The following DMRT1 variants were observed in gnomAD, a reference collection of about 807,000 sequenced individuals.
DMRT1 encodes the protein doublesex and mab-3 related transcription factor 1.
In DMRT1, 7 loss-of-function variants were observed where a neutral mutation model predicts 32.3. The ratio of observed to expected loss-of-function variants is 0.22; its 90% CI spans 0.12 to 0.41. The LOEUF (loss-of-function observed/expected upper bound fraction) is 0.41. Among genes scored for constraint, DMRT1 ranks in the 10% least tolerant of loss-of-function variants. DMRT1 has a pLI of 1.00. For synonymous variants in DMRT1, 278 were observed against 206.1 expected (o/e 1.35, Z -2.99); for missense variants, 625 against 500.5 (o/e 1.25, Z -2.37).
intron 4 of DMRT1, among the ~76,000 whole-genome samples, chr9:930,552 GCGCCCGCCACCA>G (rs887489424): frequency 2.8e-4 from 43 of 152,050 alleles, no homozygotes; most frequent in African/African-American, 9.4e-4. Context: ...GGGGCTACAG[GCGCCCGCCACCA>G]TGCCCAGCAA....
intron 4 of DMRT1, among the ~76,000 whole-genome samples, chr9:930,834 C>A (rs1004628290): frequency 3.8e-4 from 58 of 152,236 alleles, no homozygotes; most frequent in South Asian, 6.2e-4. Context: ...GCCATTGTGC[C>A]CAGCCCTGTT....
intron 2 of DMRT1, among the ~76,000 whole-genome samples, chr9:867,635 G>C (rs567475879): frequency 1.3e-5 from 2 of 152,296 alleles, no homozygotes; most frequent in East Asian, 3.9e-4. Context: ...TGTGTATTAA[G>C]TGGTGGAGGT....
chr9:962,276 G>T (rs1378341358), intron 4 of DMRT1, among the ~76,000 whole-genome samples: 1 of 152,132 alleles, frequency 6.6e-6, no homozygotes, highest in African/African-American at 2.4e-5. Flanking sequence ...TGGGAGGAAA[G>T]TTCCCACAAC....
At chr9:870,206 TG>T in intron 2 of DMRT1, among the ~76,000 whole-genome samples, 1 of 152,276 alleles carries the variant, frequency 6.6e-6, no homozygotes, top group East Asian at 1.9e-4. Context: ...GGGACCAGCC[TG>T]GGTAACACGG....
At chr9:914,742 G>C (rs1368505037) in intron 3 of DMRT1, among the ~76,000 whole-genome samples, 5 of 152,096 alleles carry the variant, frequency 3.3e-5, no homozygotes, top group African/African-American at 9.7e-5. Context: ...ACCTGTAATG[G>C]TATCTTTGCT....
At chr9:849,402 G>A (rs1839044696) in intron 2 of DMRT1, among the ~76,000 whole-genome samples, 1 of 152,194 alleles carries the variant, frequency 6.6e-6, no homozygotes. Context: ...CAGCAGCCAT[G>A]GGTCTTCACA....
intron 2 of DMRT1, among the ~76,000 whole-genome samples, chr9:857,349 T>C (rs1276371130): frequency 6.6e-6 from 1 of 151,986 alleles, no homozygotes; most frequent in Non-Finnish European, 1.5e-5. Context: ...ATAATATGTA[T>C]ATATATATTC....
rs79506405 is a variant in DMRT1, at chr9:960,928, C to A, written c.968-7057C>A. Among the ~76,000 whole-genome samples the A allele has an allele frequency of 9.0e-3, 1,374 of 152,292 alleles. 22 individuals are homozygous for A. Among genetic ancestry groups the A allele is most frequent in the African/African-American group, 0.031 (1,308 of 41,566 alleles). On this transcript the variant is annotated intron_variant, in intron 4 of 4. Coordinates refer to ENST00000382276, the MANE Select transcript of DMRT1 (RefSeq NM_021951.3). Reference sequence around the variant, plus strand: ...CGCTAGGAACAGGGCTCAGTTCAGACAGCATCAGGTGCTGAGATGTGGTTG... The same window carrying A: ...CGCTAGGAACAGGGCTCAGTTCAGAAAGCATCAGGTGCTGAGATGTGGTTG...
intron 2 of DMRT1, among the ~76,000 whole-genome samples, chr9:862,129 A>T (rs974405437): frequency 1.9e-4 from 25 of 134,600 alleles, no homozygotes; most frequent in Middle Eastern, 3.8e-3. Flanking sequence ...CAATCTCAGC[A>T]CTTTGGGAGG....
chr9:955,209 C>G (rs191053420), intron 4 of DMRT1, among the ~76,000 whole-genome samples: 1 of 151,898 alleles, frequency 6.6e-6, no homozygotes, highest in East Asian at 1.9e-4. Context: ...GTCCAGTGCT[C>G]CTGAGAGAGG....
chr9:888,297 G>C (rs1391391478), intron 2 of DMRT1, among the ~76,000 whole-genome samples: 1 of 128,260 alleles, frequency 7.8e-6, no homozygotes, highest in African/African-American at 3.1e-5. Context: ...CAATACAATG[G>C]AATTCTTTTT....
intron 4 of DMRT1, among the ~76,000 whole-genome samples, chr9:918,700 C>G (rs1818261032): frequency 7.1e-6 from 1 of 140,060 alleles, no homozygotes; most frequent in Admixed American, 7.5e-5. Flanking sequence ...AGTAGGAGGC[C>G]CAAGCTTCAG....
chr9:877,984 T>G (rs1018830749), intron 2 of DMRT1, among the ~76,000 whole-genome samples: 8 of 152,132 alleles, frequency 5.3e-5, no homozygotes, highest in African/African-American at 7.2e-5. Flanking sequence ...TTCACAAATT[T>G]GGTTAGGTGG....
intron 1 of DMRT1, chr9:842,981 C>A (rs754811158): frequency 6.6e-6 from 1 of 152,152 alleles, no homozygotes; most frequent in Non-Finnish European, 1.5e-5. Context: ...GGGTTCGACT[C>A]CAAGGGAATC....
intron 2 of DMRT1, among the ~76,000 whole-genome samples, chr9:885,700 A>G (rs772454749): frequency 3.3e-5 from 5 of 152,146 alleles, no homozygotes; most frequent in African/African-American, 7.2e-5. Context: ...GGGAAATGCA[A>G]CATTTAGGTG....
chr9:928,530 G>A (rs1324479963), intron 4 of DMRT1, among the ~76,000 whole-genome samples: 1 of 152,156 alleles, frequency 6.6e-6, no homozygotes, highest in East Asian at 1.9e-4. Flanking sequence ...TGAGCTTCCT[G>A]AGGCAGCGAA....
At chr9:844,188 G>A (rs893059222) in intron 1 of DMRT1, among the ~76,000 whole-genome samples, 8 of 152,104 alleles carry the variant, frequency 5.3e-5, no homozygotes, top group Non-Finnish European at 8.8e-5. Flanking sequence ...GCAACTCAAG[G>A]TCACTTAGAA....
chr9:929,711 C>A (rs1200497605), intron 4 of DMRT1, among the ~76,000 whole-genome samples: 1 of 152,012 alleles, frequency 6.6e-6, no homozygotes, highest in Admixed American at 6.6e-5. Context: ...CCGTTGTCCC[C>A]CTGTTTGTGC....
At chr9:852,293 G>A (rs1201027011) in intron 2 of DMRT1, among the ~76,000 whole-genome samples, 14 of 147,880 alleles carry the variant, frequency 9.5e-5, no homozygotes, top group East Asian at 2.0e-4. Flanking sequence ...GGAGTATTCA[G>A]AAAAAAAAAA....
Sources: allele counts gnomAD v4.1 joint callset (sites outside exome capture counted in the v4.1 genomes callset), GRCh38; gene constraint gnomAD v4.1.1; transcripts MANE v1.5; gene names NCBI Gene and HGNC (gene_info 2026-07-23, HGNC 2026-07-21).